Variants in EXTL3 observed in about 807,000 individuals in gnomAD.
The protein encoded by EXTL3 is exostosin like glycosyltransferase 3.
A neutral mutation model predicts 69.3 loss-of-function variants in EXTL3; 27 were observed. The observed-to-expected ratio is 0.39, with a 90% CI of 0.29 to 0.54. EXTL3 has a LOEUF of 0.54. Ranked by LOEUF, EXTL3 falls within the 20% of genes least tolerant of loss-of-function variation. The pLI is 0.69. For synonymous variants in EXTL3, 511 were observed against 499.4 expected (o/e 1.02, Z -0.31); for missense variants, 1,003 against 1,231.8 (o/e 0.81, Z 2.78).
intron 1 of EXTL3, among the ~76,000 whole-genome samples, chr8:28,686,542 A>G (rs930663405): frequency 8.5e-5 from 13 of 152,142 alleles, no homozygotes; most frequent in African/African-American, 3.1e-4. Context: ...TTTTGGAGTA[A>G]ATGGGCTTGG....
Position 28,716,314 on chromosome 8 carries a change from C to G in EXTL3, c.255C>G (p.Ile85Met). 6 of 1,614,190 alleles carry G rather than the reference C, an allele frequency of 3.7e-6. No individual in the cohort carries two copies. Among genetic ancestry groups the G allele is most frequent in the Non-Finnish European group, 5.1e-6 (6 of 1,180,032 alleles). ...AGCACGTGCTGGATCTGTGCCGCAT[C>G]CGGGAGTCGGTGAGTGAAGAGCTCC... ...EVKHVLDLCR[I>M]RESVSEELLQ... The change falls in exon 3 of 7, where the codon ATC becomes ATG. Residue 85 changes from isoleucine (I) to methionine (M), a missense_variant. Physicochemically the swap from Ile to Met is conservative, Grantham distance 10. This residue lies in a region of EXTL3 where 742 missense variants were observed against 815.4 expected (regional missense o/e 0.91). Transcript: ENST00000220562. This position sits in a 1 kb window ranked among gnomAD's most constrained non-coding sequence, Gnocchi z 7.1.
At chr8:28,755,834 C>T (rs180688908), downstream of EXTL3, among the ~76,000 whole-genome samples, 3 of 152,266 alleles carry the variant, frequency 2.0e-5, no homozygotes, top group East Asian at 1.9e-4. Context: ...TTGATTTAAA[C>T]GACTGGTCCC....
intron 1 of EXTL3, among the ~76,000 whole-genome samples, chr8:28,642,414 C>G (rs1253859225): frequency 1.4e-5 from 2 of 147,980 alleles, no homozygotes; most frequent in Non-Finnish European, 3.0e-5. Context: ...CCACTACACT[C>G]TAGCCTGGGT....
chr8:28,670,982 T>TA (rs398007353), intron 1 of EXTL3, among the ~76,000 whole-genome samples: 1 of 55,522 alleles, frequency 1.8e-5, no homozygotes. Flanking sequence ...TTTTTTTTTT[T>TA]AATTAATTTA....
intron 4 of EXTL3, among the ~76,000 whole-genome samples, chr8:28,733,226 T>G (rs901745006): frequency 2.0e-5 from 3 of 152,180 alleles, no homozygotes; most frequent in African/African-American, 7.2e-5. Flanking sequence ...GTCAGGCTGT[T>G]TTTCACGGTG....
At chr8:28,680,385 CAAAAA>C (rs34805922) in intron 1 of EXTL3, among the ~76,000 whole-genome samples, 3 of 110,878 alleles carry the variant, frequency 2.7e-5, no homozygotes, top group Non-Finnish European at 5.6e-5. Context: ...GACTCTGTCT[CAAAAA>C]AAAAAAAAAA....
chr8:28,639,414 G>A (rs1806708558), intron 1 of EXTL3, among the ~76,000 whole-genome samples: 1 of 152,132 alleles, frequency 6.6e-6, no homozygotes, highest in African/African-American at 2.4e-5. Context: ...TCTGCAGTCC[G>A]CTTTTCCCGT....
intron 1 of EXTL3, among the ~76,000 whole-genome samples, chr8:28,671,337 ACTCT>A (rs1183097314): frequency 1.2e-4 from 14 of 116,542 alleles, no homozygotes; most frequent in African/African-American, 1.7e-4. Context: ...TTTGAGACCG[ACTCT>A]CTCTCTGTTG....
intron 4 of EXTL3, among the ~76,000 whole-genome samples, chr8:28,731,567 C>G (rs1340216294): frequency 2.0e-5 from 3 of 152,182 alleles, no homozygotes; most frequent in Admixed American, 2.0e-4. Context: ...CAGGCCTTTC[C>G]TCTGTGGCCA....
chr8:28,717,514 G>C lies in EXTL3; in HGVS notation c.1455G>C (p.Val485=). The change falls in exon 3 of 7, where the codon GTG becomes GTC. Residue 485 remains valine, a synonymous_variant. Transcript: ENST00000220562. This position sits in a 1 kb window ranked among gnomAD's most constrained non-coding sequence, Gnocchi z 8.3. ...MLQWNEAALV[V]PKPRVTEVHF... The stretch of plus-strand genomic sequence containing the variant: ...AGTGGAACGAGGCGGCCCTGGTGGT[G>C]CCAAAGCCTCGTGTTACCGAGGTTC... 1 of 1,614,244 alleles carries C rather than the reference G, an allele frequency of 6.2e-7. No individual in the cohort carries two copies. The highest frequency in any genetic ancestry group is 1.1e-5 in the South Asian group (1 of 91,090).
At chr8:28,668,656 T>A (rs941588089) in intron 1 of EXTL3, among the ~76,000 whole-genome samples, 1 of 151,978 alleles carries the variant, frequency 6.6e-6, no homozygotes, top group Admixed American at 6.6e-5. Flanking sequence ...TAACTATTGA[T>A]GTTATTATTC....
intron 1 of EXTL3, among the ~76,000 whole-genome samples, chr8:28,634,494 T>C (rs1253782734): frequency 6.6e-6 from 1 of 151,992 alleles, no homozygotes; most frequent in South Asian, 2.1e-4. Context: ...CCTGGCGGAA[T>C]CCTCAGCCTT....
Position 28,612,446 on chromosome 8 carries a change from A to C in EXTL3, n.314+4688A>C, listed in dbSNP as rs569370622. Among the ~76,000 whole-genome samples the C allele has an allele frequency of 2.0e-5, 3 of 150,928 alleles. No individual in the cohort carries two copies. The East Asian group carries it at 5.8e-4, about 29-fold the overall frequency. On this transcript the variant is annotated intron_variant and non_coding_transcript_variant, in intron 2 of 4. Coordinates refer to the EXTL3 transcript ENST00000522725. The stretch of plus-strand genomic sequence containing the variant: ...TCCAGCCTGGGAGCCTGGGTGACGG[A>C]GCGAGACTCCATCTCTTAAAAAAAA...
intron 1 of EXTL3, among the ~76,000 whole-genome samples, chr8:28,651,251 C>T (rs1054373026): frequency 6.6e-6 from 1 of 152,136 alleles, no homozygotes; most frequent in Admixed American, 6.6e-5. Flanking sequence ...TTTTCCTAGG[C>T]TTCATCTAGC....
chr8:28,655,818 T>G (rs887540860), intron 1 of EXTL3, among the ~76,000 whole-genome samples: 1 of 152,156 alleles, frequency 6.6e-6, no homozygotes, highest in Non-Finnish European at 1.5e-5. Flanking sequence ...TAATAGGTAT[T>G]TAGCTAACAA....
At chr8:28,641,424 A>T (rs961827977) in intron 1 of EXTL3, among the ~76,000 whole-genome samples, 1 of 152,256 alleles carries the variant, frequency 6.6e-6, no homozygotes, top group African/African-American at 2.4e-5. Context: ...ACACTTGAAA[A>T]ATAATTATTT....
At chr8:28,622,840 G>C (rs966279207) in intron 1 of EXTL3, 1 of 152,238 alleles carries the variant, frequency 6.6e-6, no homozygotes, top group African/African-American at 2.4e-5. Context: ...TTCCCTTTCG[G>C]GGGTGGGAAG....
chr8:28,706,714 A>C (rs961316318), intron 1 of EXTL3, among the ~76,000 whole-genome samples: 1 of 152,182 alleles, frequency 6.6e-6, no homozygotes, highest in Non-Finnish European at 1.5e-5. Context: ...AAACATATAA[A>C]CATGTTTATC....
intron 3 of EXTL3, among the ~76,000 whole-genome samples, chr8:28,719,670 C>T (rs1801254046): frequency 6.6e-6 from 1 of 151,956 alleles, no homozygotes; most frequent in Non-Finnish European, 1.5e-5. Flanking sequence ...TTTTAATAGA[C>T]TTCTCAAAGT....
Sources: gnomAD v4.1 joint callset for allele counts (sites outside exome capture counted in the v4.1 genomes callset) on GRCh38, gnomAD v4.1.1 for gene constraint, gnomAD v4.1.1 regional missense constraint, Gnocchi (gnomAD v3.1) non-coding constraint, MANE v1.5 for transcripts, NCBI Gene and HGNC (gene_info 2026-07-23, HGNC 2026-07-21) for gene names.